Variants in EXOC4 observed in about 807,000 individuals in gnomAD.
EXOC4 encodes SEC8-like 1.
Under a neutral mutation model 107.2 loss-of-function variants are expected in EXOC4, and 71 were observed. The observed-to-expected ratio is 0.66, with a 90% CI of 0.55 to 0.81. The LOEUF (loss-of-function observed/expected upper bound fraction) is 0.81. EXOC4 is among the 30% of genes least tolerant of loss of function. EXOC4 has a pLI of 0.00. For synonymous variants in EXOC4, 456 were observed against 441.2 expected (o/e 1.03, Z -0.42); for missense variants, 1,108 against 1,189.6 (o/e 0.93, Z 1.01).
intron 9 of EXOC4, among the ~76,000 whole-genome samples, chr7:133,508,157 C>T (rs1285308764): frequency 6.6e-6 from 1 of 152,012 alleles, no homozygotes; most frequent in African/African-American, 2.4e-5. Flanking sequence ...AATAATACAT[C>T]ATGATATTTC....
At chr7:133,942,500 A>G (rs929679814) in intron 14 of EXOC4, among the ~76,000 whole-genome samples, 1 of 152,186 alleles carries the variant, frequency 6.6e-6, no homozygotes, top group African/African-American at 2.4e-5. Context: ...AATTATTTAT[A>G]TACTTATTTC....
intron 6 of EXOC4, among the ~76,000 whole-genome samples, chr7:133,360,232 G>A (rs1796107436): frequency 6.6e-6 from 1 of 152,218 alleles, no homozygotes; most frequent in South Asian, 2.1e-4. Context: ...TTTGAAAGAA[G>A]CTGGAAGGAG....
rs191965854 is a variant in EXOC4 at position 133,710,066 on chromosome 7, A to T, written c.1514+79925A>T. On this transcript the variant is annotated intron_variant, in intron 10 of 17. Coordinates refer to ENST00000253861, the MANE Select transcript of EXOC4 (RefSeq NM_021807.4). ...TTTGCCTATGAGTGTTGTCATTTTT[A>T]TCAGCCATAAAATAACTTATGAGTT... is the stretch of plus-strand genomic sequence containing the variant. Among the ~76,000 whole-genome samples the T allele has an allele frequency of 1.5e-3, 232 of 152,296 alleles. 2 individuals carry two copies. The highest frequency in any genetic ancestry group is 5.3e-3 in the African/African-American group (219 of 41,554).
chr7:133,810,370 A>G (rs1797191657), intron 10 of EXOC4, among the ~76,000 whole-genome samples: 1 of 152,184 alleles, frequency 6.6e-6, no homozygotes, highest in Admixed American at 6.5e-5. Context: ...CTTGATAGCA[A>G]TCAAATCAAG....
chr7:133,862,709 A>T (rs1400146210), intron 11 of EXOC4, among the ~76,000 whole-genome samples: 1 of 152,198 alleles, frequency 6.6e-6, no homozygotes, highest in South Asian at 2.1e-4. Context: ...CTATAGATAC[A>T]TATATACTAT....
intron 5 of EXOC4, among the ~76,000 whole-genome samples, chr7:133,350,921 T>C (rs1471125503): frequency 1.3e-5 from 2 of 152,164 alleles, no homozygotes; most frequent in East Asian, 3.9e-4. Flanking sequence ...ATATATATTA[T>C]AGCTTTCATT....
intron 10 of EXOC4, among the ~76,000 whole-genome samples, chr7:133,655,054 G>T (rs1803256050): frequency 6.6e-6 from 1 of 152,072 alleles, no homozygotes; most frequent in Admixed American, 6.6e-5. Context: ...TGAAGGTCTA[G>T]GATATTACTG....
At chr7:133,279,603 C>T (rs539762722) in intron 2 of EXOC4, among the ~76,000 whole-genome samples, 13 of 152,284 alleles carry the variant, frequency 8.5e-5, no homozygotes, top group South Asian at 2.1e-4. Context: ...GCCATAGCCT[C>T]GACCTCCCAC....
chr7:134,069,309 TTTCTTCCTTCTCCC>T (rs745736246), downstream of EXOC4, among the ~76,000 whole-genome samples: 281 of 131,226 alleles, frequency 2.1e-3, no homozygotes, highest in South Asian at 5.9e-3. Context: ...CTCCTCCTCC[TTTCTTCCTTCTCCC>T]CCTCCTTCTC....
chr7:133,580,180 G>A (rs901016361), intron 9 of EXOC4, among the ~76,000 whole-genome samples: 2 of 152,010 alleles, frequency 1.3e-5, no homozygotes, highest in Admixed American at 6.5e-5. Flanking sequence ...TGTATACATC[G>A]CATTTTGTTT....
intron 7 of EXOC4, among the ~76,000 whole-genome samples, chr7:133,454,407 G>A (rs1221993942): frequency 1.3e-5 from 2 of 152,096 alleles, no homozygotes; most frequent in Non-Finnish European, 2.9e-5. Context: ...AGCGATTCTT[G>A]TGCCTCAGCC....
intron 9 of EXOC4, among the ~76,000 whole-genome samples, chr7:133,580,878 A>G (rs1801250261): frequency 6.6e-6 from 1 of 152,220 alleles, no homozygotes; most frequent in Admixed American, 6.5e-5. Flanking sequence ...AGCAGTGCCT[A>G]AGTCATTGTG....
intron 10 of EXOC4, among the ~76,000 whole-genome samples, chr7:133,729,356 A>G (rs1238166905): frequency 6.6e-6 from 1 of 152,122 alleles, no homozygotes; most frequent in Non-Finnish European, 1.5e-5. Context: ...TCTATTGTAT[A>G]ATTGTTAAAG....
intron 13 of EXOC4, among the ~76,000 whole-genome samples, chr7:133,935,170 A>G (rs541246901): frequency 2.2e-4 from 34 of 152,040 alleles, no homozygotes; most frequent in Non-Finnish European, 3.4e-4. Context: ...ACTGGCTTCC[A>G]TACTCAAGGT....
At chr7:133,432,156 A>G (rs796521640) in intron 7 of EXOC4, among the ~76,000 whole-genome samples, 7 of 152,294 alleles carry the variant, frequency 4.6e-5, no homozygotes, top group African/African-American at 1.7e-4. Context: ...GGGAGAATAT[A>G]AAAGAATTCT....
At chr7:133,957,953 T>C (rs1800856180) in intron 14 of EXOC4, among the ~76,000 whole-genome samples, 1 of 152,256 alleles carries the variant, frequency 6.6e-6, no homozygotes. Context: ...CAATGCTTCA[T>C]ATTATGACTT....
chr7:133,634,144 T>C (rs1802652946), intron 10 of EXOC4, among the ~76,000 whole-genome samples: 1 of 152,166 alleles, frequency 6.6e-6, no homozygotes, highest in Non-Finnish European at 1.5e-5. Flanking sequence ...CATAAAATTA[T>C]TATACCGGGT....
intron 1 of EXOC4, among the ~76,000 whole-genome samples, chr7:133,259,419 G>A (rs537831319): frequency 2.6e-4 from 40 of 151,848 alleles, no homozygotes; most frequent in African/African-American, 4.8e-5. Flanking sequence ...TAGAGACAGG[G>A]TTTCACCATG....
intron 11 of EXOC4, among the ~76,000 whole-genome samples, chr7:133,836,195 G>A (rs919057467): frequency 6.6e-6 from 1 of 152,176 alleles, no homozygotes; most frequent in Non-Finnish European, 1.5e-5. Context: ...GCCTGATTGT[G>A]TATAGTTAGC....
Sources: allele counts gnomAD v4.1 joint callset (sites outside exome capture counted in the v4.1 genomes callset), GRCh38; gene constraint gnomAD v4.1.1; transcripts MANE v1.5; gene names NCBI Gene and HGNC (gene_info 2026-07-23, HGNC 2026-07-21).